GABRG3: variants seen among roughly 807,000 people sequenced by gnomAD.
GABRG3 encodes the protein gamma-aminobutyric acid type A receptor subunit gamma3, also known as gamma-aminobutyric acid receptor subunit gamma-3.
Under a neutral mutation model 48.8 loss-of-function variants are expected in GABRG3, and 25 were observed. The observed-to-expected ratio is 0.51, with a 90% CI of 0.37 to 0.72. The LOEUF (loss-of-function observed/expected upper bound fraction) is 0.72. Among genes scored for constraint, GABRG3 ranks in the 30% least tolerant of loss-of-function variants. The pLI is 0.00. For synonymous variants in GABRG3, 227 were observed against 217.6 expected (o/e 1.04, Z -0.38); for missense variants, 394 against 577.9 (o/e 0.68, Z 3.26).
At chr15:27,112,119 G>A (rs1390421890) in intron 3 of GABRG3, among the ~76,000 whole-genome samples, 4 of 152,100 alleles carry the variant, frequency 2.6e-5, no homozygotes, top group Non-Finnish European at 5.9e-5. Flanking sequence ...TCCACACTCA[G>A]CCTCCAGCAA....
At chr15:26,981,370 C>G (rs976445208) in intron 2 of GABRG3, among the ~76,000 whole-genome samples, 1 of 152,152 alleles carries the variant, frequency 6.6e-6, no homozygotes, top group Non-Finnish European at 1.5e-5. Context: ...AGAATATACT[C>G]TATATGAGTT....
At chr15:27,237,601 A>T (rs778184223) in intron 3 of GABRG3, among the ~76,000 whole-genome samples, 3 of 152,254 alleles carry the variant, frequency 2.0e-5, no homozygotes, top group Non-Finnish European at 4.4e-5. Context: ...CCACGGCTAC[A>T]AGAAGCAAAT....
chr15:27,348,662 A>G (rs1050106980), intron 5 of GABRG3, among the ~76,000 whole-genome samples: 2 of 152,212 alleles, frequency 1.3e-5, no homozygotes, highest in African/African-American at 2.4e-5. Context: ...ATACTAATAC[A>G]TAATAATGCA....
intron 3 of GABRG3, among the ~76,000 whole-genome samples, chr15:27,269,219 C>T (rs1425303478): frequency 6.6e-6 from 1 of 151,922 alleles, no homozygotes; most frequent in African/African-American, 2.4e-5. Context: ...CAGAACTCCT[C>T]AGTGGTATCC....
At chr15:27,444,737 T>C (rs1322629348) in intron 5 of GABRG3, among the ~76,000 whole-genome samples, 2 of 152,230 alleles carry the variant, frequency 1.3e-5, no homozygotes, top group Non-Finnish European at 2.9e-5. Flanking sequence ...TTTGAATAGA[T>C]TATATTTCGT....
intron 3 of GABRG3, among the ~76,000 whole-genome samples, chr15:27,072,902 C>T (rs1203491837): frequency 6.6e-6 from 1 of 152,204 alleles, no homozygotes; most frequent in Non-Finnish European, 1.5e-5. Context: ...TATGGCTGGC[C>T]ATCCCTGCCA....
At chr15:27,483,943 C>CT (rs1009273214) in intron 6 of GABRG3, among the ~76,000 whole-genome samples, 27 of 151,718 alleles carry the variant, frequency 1.8e-4, no homozygotes, top group African/African-American at 4.8e-4. Context: ...ACTTTTTTTT[C>CT]TTTTTTTTGA....
At chr15:27,384,606 CCT>C (rs1001965779) in intron 5 of GABRG3, among the ~76,000 whole-genome samples, 14 of 152,128 alleles carry the variant, frequency 9.2e-5, no homozygotes, top group Middle Eastern at 3.4e-3. Flanking sequence ...ATGAAATTGC[CCT>C]GATGCTTGGT....
chr15:27,062,833 A>G (rs1595501056), intron 3 of GABRG3, among the ~76,000 whole-genome samples: 1 of 152,230 alleles, frequency 6.6e-6, no homozygotes, highest in East Asian at 1.9e-4. Flanking sequence ...GGATGTGTTT[A>G]AAAGATAAAG....
At chr15:26,977,173 C>G (rs1894967209) in intron 2 of GABRG3, 23 bp downstream of exon 2, 1 of 1,599,172 alleles carries the variant, frequency 6.3e-7, no homozygotes. Flanking sequence ...TTTTGTTATT[C>G]TAATAGAAAA....
At chr15:27,243,884 T>C (rs1890200420) in intron 3 of GABRG3, among the ~76,000 whole-genome samples, 3 of 152,208 alleles carry the variant, frequency 2.0e-5, no homozygotes, top group African/African-American at 7.2e-5. Flanking sequence ...CAGTGTTTAT[T>C]TGTTGTTTCT....
chr15:27,197,845 GT>G (rs1888545851), intron 3 of GABRG3, among the ~76,000 whole-genome samples: 1 of 152,014 alleles, frequency 6.6e-6, no homozygotes, highest in Admixed American at 6.6e-5. Context: ...GGGAGGATGT[GT>G]GTGTCCAGGA....
chr15:27,122,986 G>A (rs1376151807), intron 3 of GABRG3, among the ~76,000 whole-genome samples: 1 of 152,180 alleles, frequency 6.6e-6, no homozygotes, highest in African/African-American at 2.4e-5. Flanking sequence ...AAGATGAAGG[G>A]CAAAGATGGG....
At chr15:27,181,833 T>G (rs975575334) in intron 3 of GABRG3, among the ~76,000 whole-genome samples, 1 of 152,112 alleles carries the variant, frequency 6.6e-6, no homozygotes, top group Non-Finnish European at 1.5e-5. Flanking sequence ...GGGCTTTTTT[T>G]ATTCCTGTCA....
intron 7 of GABRG3, among the ~76,000 whole-genome samples, chr15:27,525,995 A>T (rs769574800): frequency 8.5e-5 from 13 of 152,182 alleles, no homozygotes; most frequent in Non-Finnish European, 1.5e-4. Context: ...TTTTTCCATA[A>T]AACTACATCT....
intron 6 of GABRG3, among the ~76,000 whole-genome samples, chr15:27,502,667 G>A (rs995946437): frequency 5.3e-5 from 8 of 152,166 alleles, no homozygotes; most frequent in African/African-American, 1.9e-4. Flanking sequence ...TCTGACCAAC[G>A]GGCTTCAAGT....
At chr15:27,047,223 C>G (rs142965534) in intron 3 of GABRG3, among the ~76,000 whole-genome samples, 3,636 of 152,280 alleles carry the variant, frequency 0.024, 61 homozygotes, top group Non-Finnish European at 0.033. Flanking sequence ...CCCAGTCTTA[C>G]AGTTATCATA....
chr15:27,239,689 A>G (rs1295336124), intron 3 of GABRG3, among the ~76,000 whole-genome samples: 1 of 152,224 alleles, frequency 6.6e-6, no homozygotes, highest in Non-Finnish European at 1.5e-5. Flanking sequence ...CCCAAGTTGT[A>G]TCAAGATGTA....
intron 5 of GABRG3, among the ~76,000 whole-genome samples, chr15:27,332,273 T>C (rs896790381): frequency 2.6e-5 from 4 of 152,174 alleles, no homozygotes; most frequent in African/African-American, 9.7e-5. Flanking sequence ...CCCAGAACTT[T>C]GGGAGGCCGA....
Sources: allele counts gnomAD v4.1 joint callset (sites outside exome capture counted in the v4.1 genomes callset), GRCh38; gene constraint gnomAD v4.1.1; transcripts MANE v1.5; gene names NCBI Gene and HGNC (gene_info 2026-07-23, HGNC 2026-07-21).